The following ATP2C2 variants were observed in gnomAD, a reference collection of about 807,000 sequenced individuals.
ATP2C2 encodes ATPase secretory pathway Ca2+ transporting 2.
ATP2C2 carries 171 observed loss-of-function variants against 110.8 expected under a neutral mutation model. That is an observed-to-expected ratio of 1.54 (90% CI 1.36 to 1.75). The LOEUF is 1.75. ATP2C2 is among the 40% of genes most tolerant of loss of function. The probability of loss-of-function intolerance (pLI) is 0.00; values close to 1 mark genes in which losing one functional copy is unlikely to be tolerated. For synonymous variants in ATP2C2, 804 were observed against 508.4 expected (o/e 1.58, Z -7.82); for missense variants, 1,963 against 1,235.0 (o/e 1.59, Z -8.84).
chr16:84,377,342 G>A (rs1910307039), intron 1 of ATP2C2, among the ~76,000 whole-genome samples: 1 of 152,116 alleles, frequency 6.6e-6, no homozygotes, highest in East Asian at 1.9e-4. Flanking sequence ...GGTGGAGTGG[G>A]CCGGACAGGC....
chr16:84,425,267 G>A (rs1907708597), intron 10 of ATP2C2, among the ~76,000 whole-genome samples: 1 of 152,184 alleles, frequency 6.6e-6, no homozygotes, highest in African/African-American at 2.4e-5. Context: ...CTGGTGTGCA[G>A]TACGTATTTG....
At chr16:84,381,715 A>C (rs898319423) in intron 1 of ATP2C2, among the ~76,000 whole-genome samples, 2 of 152,200 alleles carry the variant, frequency 1.3e-5, no homozygotes, top group Non-Finnish European at 2.9e-5. Flanking sequence ...ACACATCTTC[A>C]ATGGCGGTGT....
chr16:84,452,802 C>G (rs2064881078), intron 18 of ATP2C2, among the ~76,000 whole-genome samples: 1 of 152,014 alleles, frequency 6.6e-6, no homozygotes, highest in Non-Finnish European at 1.5e-5. Flanking sequence ...CCCAGCCCCT[C>G]TAGTTACTAT....
intron 7 of ATP2C2, among the ~76,000 whole-genome samples, chr16:84,419,124 G>C (rs1333205652): frequency 6.9e-6 from 1 of 145,442 alleles, no homozygotes; most frequent in South Asian, 2.3e-4. Flanking sequence ...CAGGAGAATT[G>C]CTTGAACCTG....
chr16:84,412,007 C>A (rs1354830191), intron 6 of ATP2C2, among the ~76,000 whole-genome samples: 1 of 120,704 alleles, frequency 8.3e-6, no homozygotes, highest in Non-Finnish European at 1.8e-5. Flanking sequence ...CTTTCTTTTT[C>A]TTTTTGTTGT....
At chr16:84,452,661 G>A (rs758397285) in intron 18 of ATP2C2, among the ~76,000 whole-genome samples, 2 of 152,038 alleles carry the variant, frequency 1.3e-5, no homozygotes, top group Admixed American at 1.3e-4. Context: ...ACCGCGCCCA[G>A]CTAATTTTTT....
chr16:84,394,002 C>CAAAAA lies in ATP2C2; in HGVS notation c.100-4493_100-4489dup, dbSNP rs202138049. Among the ~76,000 whole-genome samples, 51 of 117,448 alleles carry CAAAAA rather than the reference C, an allele frequency of 4.3e-4. 2 individuals are homozygous for CAAAAA. The highest frequency in any genetic ancestry group is 8.4e-3 in the Middle Eastern group (2 of 238). 77.1% of individuals were successfully genotyped at this position (117,448 alleles called of 152,430 possible). On this transcript the variant is annotated intron_variant, in intron 1 of 26. Transcript: ENST00000262429. ...AAAACCTTGTCTCAATTAAAAATAC[C>CAAAAA]AAAAAAAATAAAAAAATAAAAAATA...
chr16:84,427,872 T>C (rs969880426), intron 11 of ATP2C2, among the ~76,000 whole-genome samples: 11 of 152,212 alleles, frequency 7.2e-5, no homozygotes, highest in Non-Finnish European at 1.3e-4. Flanking sequence ...ATTGTGCGGA[T>C]AGGTGCACGA....
chr16:84,459,111 C>G lies in ATP2C2; in HGVS notation c.2148-9C>G, dbSNP rs180820787. The G allele has an allele frequency of 1.8e-3, 2,929 of 1,614,076 alleles. 83 individuals carry two copies. In the Admixed American group the frequency reaches 0.046, roughly 25 times the overall value. On this transcript the variant is annotated splice_polypyrimidine_tract_variant and intron_variant, in intron 21 of 26. Transcript: ENST00000262429. ...CGCTCCGTGAGTAAATGGCTCTCTT[C>G]TCTTGCAGGAATGCAGTGGAGGAAG... is the stretch of plus-strand genomic sequence containing the variant.
intron 25 of ATP2C2, 40 bp downstream of exon 25, chr16:84,461,852 T>G (rs371239168): frequency 6.2e-7 from 1 of 1,608,888 alleles, no homozygotes; most frequent in Non-Finnish European, 8.5e-7. Flanking sequence ...AGAGCTGCTG[T>G]GTGTTCTCGA....
At chr16:84,451,163 C>G (rs1424807451) in intron 17 of ATP2C2, among the ~76,000 whole-genome samples, 1 of 152,114 alleles carries the variant, frequency 6.6e-6, no homozygotes, top group African/African-American at 2.4e-5. Context: ...TGGCAGCCGG[C>G]AAGAGAGAAT....
chr16:84,415,652 C>G (rs1906771126), intron 7 of ATP2C2, 61 bp downstream of exon 7: 2 of 1,382,794 alleles, frequency 1.4e-6, no homozygotes, highest in Non-Finnish European at 2.0e-6. Context: ...GGAGCAGACA[C>G]TTAGCTAATT....
At chr16:84,391,653 G>A (rs1035963649) in intron 1 of ATP2C2, among the ~76,000 whole-genome samples, 4 of 152,210 alleles carry the variant, frequency 2.6e-5, no homozygotes, top group Non-Finnish European at 5.9e-5. Context: ...GCCAGAAACT[G>A]GGAGAGGAAG....
intron 15 of ATP2C2, among the ~76,000 whole-genome samples, chr16:84,444,191 G>A (rs1340844626): frequency 8.7e-4 from 113 of 130,566 alleles, no homozygotes; most frequent in Non-Finnish European, 1.1e-3. Context: ...AAAACAAAAA[G>A]ATTGGGCACA....
Position 84,405,156 on chromosome 16 carries a change from T to G in ATP2C2, c.239T>G (p.Phe80Cys). 1 of 1,614,086 alleles carries G rather than the reference T, an allele frequency of 6.2e-7. No homozygotes were observed. Among genetic ancestry groups the G allele is most frequent in the Non-Finnish European group, 8.5e-7 (1 of 1,180,034 alleles). ...CVDLHTGLSE[F>C]SVTQRRLAHG... ...GACTTACACACTGGGCTGTCGGAGT[T>G]CTCGGTGACGCAGCGCCGGCTGGCC... Residue 80 changes from phenylalanine (F) to cysteine (C), a missense_variant, in exon 3 of 27, where the codon TTC becomes TGC. Coordinates refer to ENST00000262429, the MANE Select transcript of ATP2C2 (RefSeq NM_014861.4).
intron 6 of ATP2C2, among the ~76,000 whole-genome samples, chr16:84,412,547 C>CGT (rs58494870): frequency 1.3e-5 from 2 of 149,514 alleles, no homozygotes; most frequent in Admixed American, 6.6e-5. Flanking sequence ...TGTGTGTATG[C>CGT]GTGTGTGTGT....
At chr16:84,373,381 C>T (rs542935979) in intron 1 of ATP2C2, among the ~76,000 whole-genome samples, 6 of 152,086 alleles carry the variant, frequency 3.9e-5, no homozygotes, top group Admixed American at 2.6e-4. Context: ...GTGCCTGTAA[C>T]CCCGGCTACT....
At chr16:84,375,135 G>C (rs4782938) in intron 1 of ATP2C2, among the ~76,000 whole-genome samples, 66,705 of 152,192 alleles carry the variant, frequency 0.44, 15,435 homozygotes, top group African/African-American at 0.57. Context: ...TTTGTTTACA[G>C]ATATTCTGGG....
chr16:84,456,447 T>A (rs1330649572), intron 21 of ATP2C2, among the ~76,000 whole-genome samples: 2 of 148,220 alleles, frequency 1.3e-5, no homozygotes, highest in Non-Finnish European at 3.0e-5. Context: ...AGGGATGCCC[T>A]CTCTCACCGC....
Sources: allele counts gnomAD v4.1 joint callset (sites outside exome capture counted in the v4.1 genomes callset), GRCh38; gene constraint gnomAD v4.1.1; transcripts MANE v1.5; gene names NCBI Gene and HGNC (gene_info 2026-07-23, HGNC 2026-07-21).